C4orf36: variants seen among roughly 807,000 people sequenced by gnomAD.
The protein encoded by C4orf36 is uncharacterized protein C4orf36.
C4orf36 carries 11 observed loss-of-function variants against 12.2 expected under a neutral mutation model. That is an observed-to-expected ratio of 0.90 (90% CI 0.57 to 1.49). C4orf36 has a LOEUF of 1.49. C4orf36 is among the 40% of genes most tolerant of loss of function. C4orf36 has a pLI of 0.00. For missense variants in C4orf36, 137 were observed against 133.9 expected (o/e 1.02, Z -0.11); for synonymous variants, 54 against 51.3 (o/e 1.05, Z -0.22).
intron 2 of C4orf36, chr4:86,889,917 G>A (rs908666424): frequency 2.7e-5 from 10 of 376,216 alleles, no homozygotes; most frequent in Admixed American, 1.3e-4. Context: ...ATCTCCAGCC[G>A]GGCATGGTGG....
the C4orf36 span, among the ~76,000 whole-genome samples, chr4:86,910,856 G>A: frequency 6.6e-6 from 1 of 151,966 alleles, no homozygotes; most frequent in East Asian, 1.9e-4. Context: ...ACGAGGTCAA[G>A]AGATCAAGAC....
the C4orf36 span, among the ~76,000 whole-genome samples, chr4:86,921,317 C>T: frequency 4.3e-5 from 2 of 46,498 alleles, no homozygotes; most frequent in Non-Finnish European, 1.7e-4. Context: ...GAAATGAAAG[C>T]TTGGTCACTC....
chr4:86,881,515 GGAGTTCAAAGTTGAAGC>G (rs1247918005), intron 4 of C4orf36, among the ~76,000 whole-genome samples: 2 of 151,964 alleles, frequency 1.3e-5, no homozygotes, highest in African/African-American at 4.8e-5. Context: ...CTTGAACTTA[GGAGTTCAAAGTTGAAGC>G]GAGTAATGAT....
intron 4 of C4orf36, chr4:86,887,497 T>G: frequency 3.0e-6 from 1 of 334,434 alleles, no homozygotes; most frequent in African/African-American, 2.1e-5. Context: ...TTACAAAAAT[T>G]AAAATGAATA....
chr4:86,923,216 T>G, the C4orf36 span, among the ~76,000 whole-genome samples: 1 of 151,774 alleles, frequency 6.6e-6, no homozygotes. Flanking sequence ...CTCAGCCTCC[T>G]GAGGAGCTGA....
intron 2 of C4orf36, chr4:86,890,065 G>T: frequency 2.2e-6 from 1 of 454,656 alleles, no homozygotes; most frequent in South Asian, 1.6e-5. Flanking sequence ...AGTGGTGTGT[G>T]CCTGTGGTCC....
At chr4:86,917,673 T>C in the C4orf36 span, among the ~76,000 whole-genome samples, 10 of 152,106 alleles carry the variant, frequency 6.6e-5, no homozygotes, top group Non-Finnish European at 1.0e-4. Context: ...AATTTAGTCA[T>C]GTATCACATA....
At chr4:86,912,674 G>A in the C4orf36 span, among the ~76,000 whole-genome samples, 1 of 152,062 alleles carries the variant, frequency 6.6e-6, no homozygotes, top group East Asian at 1.9e-4. Flanking sequence ...GTCCTTTCAG[G>A]GGATTGAACT....
At chr4:86,935,104 T>C in the C4orf36 span, 3 of 152,184 alleles carry the variant, frequency 2.0e-5, no homozygotes, top group East Asian at 3.9e-4. Flanking sequence ...GCCTCCGCGG[T>C]TCCGCAGCCG....
chr4:86,926,979 T>G, the C4orf36 span, among the ~76,000 whole-genome samples: 3 of 152,252 alleles, frequency 2.0e-5, no homozygotes, highest in Non-Finnish European at 4.4e-5. Flanking sequence ...TCATTCTCTA[T>G]GTACTGCCTA....
the C4orf36 span, among the ~76,000 whole-genome samples, chr4:86,916,979 A>C: frequency 6.6e-6 from 1 of 152,194 alleles, no homozygotes; most frequent in Non-Finnish European, 1.5e-5. Context: ...GGTTATAAAC[A>C]AGAGAAATTT....
the C4orf36 span, among the ~76,000 whole-genome samples, chr4:86,906,306 G>C: frequency 6.6e-6 from 1 of 152,140 alleles, no homozygotes. Flanking sequence ...AGAGTAGATT[G>C]AACAATACTT....
chr4:86,905,034 G>C, the C4orf36 span, among the ~76,000 whole-genome samples: 311 of 151,674 alleles, frequency 2.1e-3, 3 homozygotes, highest in Middle Eastern at 0.024. Flanking sequence ...CCAGGAGTTC[G>C]AGACCAGTCT....
chr4:86,930,216 C>T, the C4orf36 span, among the ~76,000 whole-genome samples: 1 of 152,218 alleles, frequency 6.6e-6, no homozygotes, highest in African/African-American at 2.4e-5. Flanking sequence ...TTCAGGTTTC[C>T]TTTTCCTCTT....
rs778051915 is a variant in C4orf36 at position 86,887,849 on chromosome 4, G to A, written c.265C>T (p.Leu89=). Reference sequence around the variant, plus strand: ...TTAGATGTATTTTCTTGACACTTCAGTTTACAAAGACGCTTCACTTCATAC... The same window carrying A: ...TTAGATGTATTTTCTTGACACTTCAATTTACAAAGACGCTTCACTTCATAC... ...REYEVKRLCK[L]KCQENTSKEI... is the part of the protein sequence containing the mutation. Residue 89 remains leucine, a synonymous_variant, in exon 4 of 5, where the codon CTG becomes TTG. Coordinates refer to ENST00000295898, the MANE Select transcript of C4orf36 (RefSeq NM_144645.4). 5.6e-6 allele frequency: 9 copies of A among 1,614,002 alleles called. No individual in the cohort carries two copies. The South Asian group carries it at 9.9e-5, about 18-fold the overall frequency.
intron 3 of C4orf36, 24 bp from the exon 4 acceptor site, chr4:86,887,917 A>C (rs1355220464): frequency 2.5e-6 from 4 of 1,613,360 alleles, no homozygotes; most frequent in South Asian, 1.1e-5. Context: ...TACACAAAAC[A>C]ATCTGACATA....
At chr4:86,876,944 T>C (rs1016281570) in intron 4 of C4orf36, among the ~76,000 whole-genome samples, 3 of 152,202 alleles carry the variant, frequency 2.0e-5, no homozygotes, top group Non-Finnish European at 2.9e-5. Flanking sequence ...CCAGATATAT[T>C]GCGCAGTAGA....
chr4:86,934,963 A>C, the C4orf36 span: 3 of 151,744 alleles, frequency 2.0e-5, no homozygotes, highest in Non-Finnish European at 4.4e-5. Flanking sequence ...CCTCGCGCGG[A>C]GGGCGTGGCC....
At chr4:86,910,199 T>G in the C4orf36 span, among the ~76,000 whole-genome samples, 1 of 152,020 alleles carries the variant, frequency 6.6e-6, no homozygotes, top group Non-Finnish European at 1.5e-5. Context: ...CCCAGCACTT[T>G]CGGAGGCCAA....
Sources: allele counts gnomAD v4.1 joint callset (sites outside exome capture counted in the v4.1 genomes callset), GRCh38; gene constraint gnomAD v4.1.1; transcripts MANE v1.5; gene names NCBI Gene and HGNC (gene_info 2026-07-23, HGNC 2026-07-21).